Variants in HSF1 observed in about 807,000 individuals in gnomAD.
HSF1 encodes heat shock factor protein 1.
A neutral mutation model predicts 51.7 loss-of-function variants in HSF1; 32 were observed. The ratio of observed to expected loss-of-function variants is 0.62; its 90% CI spans 0.47 to 0.83. HSF1 has a LOEUF of 0.83. HSF1 is among the 40% of genes least tolerant of loss of function. HSF1 has a pLI of 0.00. For missense variants in HSF1, 727 were observed against 717.0 expected (o/e 1.01, Z -0.16); for synonymous variants, 396 against 309.7 (o/e 1.28, Z -2.92).
intron 8 of HSF1, 58 bp from the exon 9 acceptor site, chr8:144,311,905 T>C (rs1816692863): frequency 1.3e-6 from 2 of 1,581,614 alleles, no homozygotes; most frequent in African/African-American, 1.3e-5. Context: ...CAGGGCAGAG[T>C]TGGGGATGAG....
At chr8:144,313,240 C>T (rs1326617224) in intron 9 of HSF1, 9 of 489,214 alleles carry the variant, frequency 1.8e-5, no homozygotes, top group Non-Finnish European at 3.0e-5. Flanking sequence ...GAGCTGAATA[C>T]GCCCCTTGTC....
chr8:144,312,185 T>TGCCCGGC lies in HSF1; in HGVS notation c.1083_1084insGCCCGGC (p.Pro362AlafsTer12). 6.5e-7 allele frequency: 1 copy of TGCCCGGC among 1,532,954 alleles called. No homozygotes were observed. Among genetic ancestry groups the TGCCCGGC allele is most frequent in the Non-Finnish European group, 8.9e-7 (1 of 1,117,514 alleles). 95.0% of individuals were successfully genotyped at this position (1,532,954 alleles called of 1,614,324 possible). On this transcript the variant is annotated frameshift_variant, in exon 9 of 13. Coordinates refer to ENST00000528838, the MANE Select transcript of HSF1 (RefSeq NM_005526.4). LOFTEE classifies it high-confidence loss of function. ...GCCACACGGACACCGAGGGCCGGCC[T>TGCCCGGC]CCCTCCCCCCCGCCCACCTCCACCC...
At position 144,313,852 on chromosome 8, in the gene HSF1, A is replaced by C. The variant is rs1211391606; in HGVS notation, c.1255A>C (p.Ser419Arg). 1 of 1,580,362 alleles carries C rather than the reference A, an allele frequency of 6.3e-7. No individual in the cohort carries two copies. The highest frequency in any genetic ancestry group is 1.8e-5 in the Admixed American group (1 of 55,792). Residue 419 changes from serine (S) to arginine (R), a missense_variant, in exon 11 of 13, where the codon AGC (serine) becomes CGC (arginine). By Grantham distance (110) the Ser-to-Arg change is moderately radical. This residue lies in a region of HSF1 where 470 missense variants were observed against 398.8 expected (regional missense o/e 1.18). Coordinates refer to ENST00000528838, the MANE Select transcript of HSF1 (RefSeq NM_005526.4). The part of the protein sequence containing the change: ...VDTSALLDLF[S>R]PSVTVPDMSL... ...TTCCCTCCCTCCTCCGCAGCTGTTC[A>C]GCCCCTCGGTGACCGTGCCCGACAT... is the stretch of plus-strand genomic sequence containing the variant.
Position 144,311,195 on chromosome 8 carries a change from G to C in HSF1, c.510G>C (p.Arg170=). 3.1e-6 allele frequency: 5 copies of C among 1,601,540 alleles called. No homozygotes were observed. Among genetic ancestry groups the C allele is most frequent in the Non-Finnish European group, 4.3e-6 (5 of 1,174,060 alleles). ...GCAGTGAGAATGAGGCTCTGTGGCG[G>C]GAGGTGGCCAGCCTTCGGCAGAAGC... ...AMKHENEALW[R]EVASLRQKHA... The change falls in exon 5 of 13, where the codon CGG becomes CGC. Residue 170 remains arginine, a synonymous_variant. Transcript: ENST00000528838.
At chr8:144,309,629 G>A (rs1554843929) in intron 3 of HSF1, 38 bp downstream of exon 3, 2 of 1,609,612 alleles carry the variant, frequency 1.2e-6, no homozygotes, top group African/African-American at 1.3e-5. Flanking sequence ...GGTCTCACCT[G>A]CCACAGCTCT....
At chr8:144,306,774 T>C (rs1554843392) in intron 1 of HSF1, among the ~76,000 whole-genome samples, 1 of 152,238 alleles carries the variant, frequency 6.6e-6, no homozygotes, top group Non-Finnish European at 1.5e-5. Flanking sequence ...TCAGGTAGCT[T>C]TTCGGCACTA....
At chr8:144,300,212 CTTTT>C (rs1176636210) in intron 1 of HSF1, among the ~76,000 whole-genome samples, 9 of 87,766 alleles carry the variant, frequency 1.0e-4, no homozygotes, top group Admixed American at 3.2e-4. Flanking sequence ...GTTGTGTACT[CTTTT>C]TTTTTTTTTT....
chr8:144,305,369 G>A (rs1477805786), intron 1 of HSF1, among the ~76,000 whole-genome samples: 4 of 151,452 alleles, frequency 2.6e-5, no homozygotes, highest in Admixed American at 1.3e-4. Context: ...GTGCAATCTC[G>A]GCTCACTGCA....
chr8:144,308,833 C>A, intron 1 of HSF1, 73 bp from the exon 2 acceptor site: 1 of 1,216,942 alleles, frequency 8.2e-7, no homozygotes, highest in Non-Finnish European at 1.2e-6. Flanking sequence ...GAAGGGGCGG[C>A]CTGGGGAAGG....
In HSF1 at chr8:144,309,442, C is replaced by G; in HGVS notation, c.227-13C>G. The G allele has an allele frequency of 6.2e-7, 1 of 1,613,768 alleles. No individual in the cohort carries two copies. The highest frequency in any genetic ancestry group is 8.5e-7 in the Non-Finnish European group (1 of 1,179,916). On this transcript the variant is annotated splice_polypyrimidine_tract_variant and intron_variant, in intron 2 of 12. Coordinates refer to ENST00000528838, the MANE Select transcript of HSF1 (RefSeq NM_005526.4). The stretch of plus-strand genomic sequence containing the variant: ...CCCTGAGGCAGAGCTGCCCCCTTCC[C>G]TGTTATGTGCAGATGGCTTCCGGAA...
Position 144,311,965 on chromosome 8 carries a change from C to G in HSF1, c.863C>G (p.Pro288Arg), listed in dbSNP as rs1554844753. The change falls in exon 9 of 13, where the codon CCC becomes CGC. Residue 288 changes from proline (P) to arginine (R), a missense_variant and splice_region_variant. This residue lies in a region of HSF1 where 470 missense variants were observed against 398.8 expected (regional missense o/e 1.18). Coordinates refer to ENST00000528838, the MANE Select transcript of HSF1 (RefSeq NM_005526.4). The part of the protein sequence containing the change: ...ASPGGSIDER[P>R]LSSSPLVRVK... The stretch of plus-strand genomic sequence containing the variant: ...CACCTGGCCCCCCTCGTGTGCAGGC[C>G]CCTATCCAGCAGCCCCCTGGTGCGT... 6.3e-7 allele frequency: 1 copy of G among 1,586,624 alleles called. No individual in the cohort carries two copies. The highest frequency in any genetic ancestry group is 2.3e-5 in the East Asian group (1 of 43,850).
Position 144,314,356 on chromosome 8 carries a change from GCCCACCCCCAC to G in HSF1, c.*30_*40del. ...AGGCCCCGGAGGAGCTGGGCCAGCC[GCCCACCCCCAC>G]CCCCAGTGCAGGGCTGGTCTTGGGG... On this transcript the variant is annotated 3_prime_UTR_variant, in exon 13 of 13. Transcript: ENST00000528838. The G allele has an allele frequency of 6.5e-7, 1 of 1,527,864 alleles. No homozygotes were observed. The highest frequency in any genetic ancestry group is 8.9e-7 in the Non-Finnish European group (1 of 1,128,292). 94.6% of individuals were successfully genotyped at this position (1,527,864 alleles called of 1,614,324 possible).
chr8:144,298,554 G>A (rs1042824301), intron 1 of HSF1, among the ~76,000 whole-genome samples: 18 of 150,692 alleles, frequency 1.2e-4, no homozygotes, highest in South Asian at 2.1e-4. Flanking sequence ...GCAGTGAGCC[G>A]AGATTGCGCC....
In HSF1 at chr8:144,301,915, G is replaced by A. The variant is rs1554842401; in HGVS notation, c.118-6991G>A. On this transcript the variant is annotated intron_variant, in intron 1 of 12. Transcript: ENST00000528838. ...AGCCGTGCACGGTGGTGGTGCCTGT[G>A]GTGCCAGCTACTCAGAGGCTCGGGT... is the stretch of plus-strand genomic sequence containing the variant. 5.9e-4 allele frequency among the ~76,000 whole-genome samples: 88 copies of A among 149,892 alleles called. 6 individuals carry two copies. The South Asian group carries it at 0.013, about 22-fold the overall frequency.
At position 144,312,587 on chromosome 8, in the gene HSF1, C is replaced by T. The variant is rs1406056819; in HGVS notation, c.1142+343C>T. 4.7e-6 allele frequency: 7 copies of T among 1,495,502 alleles called. No homozygotes were observed. The African/African-American group carries it at 5.5e-5, about 12-fold the overall frequency. The allele number at this position is 1,495,502 out of a possible 1,614,324, so 92.6% of individuals were successfully genotyped here. A position where few individuals can be genotyped will look rare whatever the true frequency, so the allele number is the denominator to read the frequency against. ...GCAGGGCCGGCCTCCACACCCCCAG[C>T]CCCTGCCTGCAATGGGGGCTCTTGT... is the stretch of plus-strand genomic sequence containing the variant. On this transcript the variant is annotated intron_variant, in intron 9 of 12. Transcript: ENST00000528838.
chr8:144,313,864 ACCGTGC>A lies in HSF1; in HGVS notation c.1271_1276del (p.Val424_Pro425del), dbSNP rs1817006335. 6.3e-7 allele frequency: 1 copy of A among 1,594,916 alleles called. No homozygotes were observed. The highest frequency in any genetic ancestry group is 8.5e-7 in the Non-Finnish European group (1 of 1,174,796). On this transcript the variant is annotated inframe_deletion, in exon 11 of 13. Transcript: ENST00000528838. ...TCCGCAGCTGTTCAGCCCCTCGGTG[ACCGTGC>A]CCGACATGAGCCTGCCTGACCTTGA...
Position 144,312,226 on chromosome 8 carries a change from GC to G in HSF1, c.1125del (p.Ser375ArgfsTer2). 1 of 1,345,456 alleles carries G rather than the reference GC, an allele frequency of 7.4e-7. No homozygotes were observed. The highest frequency in any genetic ancestry group is 9.8e-7 in the Non-Finnish European group (1 of 1,021,308). 83.3% of individuals were successfully genotyped at this position (1,345,456 alleles called of 1,614,324 possible). A position where few individuals can be genotyped will look rare whatever the true frequency, so the allele number is the denominator to read the frequency against. On this transcript the variant is annotated frameshift_variant, in exon 9 of 13. Coordinates refer to ENST00000528838, the MANE Select transcript of HSF1 (RefSeq NM_005526.4). LOFTEE classifies it high-confidence loss of function. ...ACCTCCACCCCTGAAAAGTGCCTCA[GC>G]GTAGCCTGCCTGGACAAGTGAGTGC... ...PPTSTPEKCL[S>X]VACLDKNELS...
intron 1 of HSF1, among the ~76,000 whole-genome samples, chr8:144,303,068 TGTGAAA>T (rs1174654988): frequency 2.0e-5 from 3 of 152,050 alleles, no homozygotes; most frequent in Non-Finnish European, 4.4e-5. Context: ...GGGAGTTGCA[TGTGAAA>T]TTCAGCATTT....
chr8:144,307,420 T>C (rs1025445190), intron 1 of HSF1, among the ~76,000 whole-genome samples: 9 of 152,068 alleles, frequency 5.9e-5, no homozygotes, highest in African/African-American at 2.2e-4. Flanking sequence ...AGGCTGCAGA[T>C]GGAGTGGGAA....
Sources: allele counts gnomAD v4.1 joint callset (sites outside exome capture counted in the v4.1 genomes callset), GRCh38; gene constraint gnomAD v4.1.1; regional missense constraint gnomAD v4.1.1; transcripts MANE v1.5; gene names NCBI Gene and HGNC (gene_info 2026-07-23, HGNC 2026-07-21).